AOX1: variants seen among roughly 807,000 people sequenced by gnomAD.
AOX1 encodes the protein aldehyde oxidase 1, also known as aldehyde oxidase.
A neutral mutation model predicts 169.5 loss-of-function variants in AOX1; 153 were observed. The ratio of observed to expected loss-of-function variants is 0.90; its 90% CI spans 0.79 to 1.03. The LOEUF (loss-of-function observed/expected upper bound fraction) is 1.03. Among genes scored for constraint, AOX1 ranks in the 50% least tolerant of loss-of-function variants. The pLI is 0.00. For synonymous variants in AOX1, 562 were observed against 581.9 expected, an observed-to-expected ratio of 0.97 and a Z score of 0.49; for missense variants, 1,656 against 1,663.9, an observed-to-expected ratio of 1.00 and a Z score of 0.08.
intron 19 of AOX1, among the ~76,000 whole-genome samples, chr2:200,625,004 TG>T (rs1273840782): frequency 3.3e-5 from 5 of 152,134 alleles, no homozygotes; most frequent in African/African-American, 1.2e-4. Context: ...AACTGGGTGT[TG>T]GGGGTGCTTC....
At chr2:200,658,865 C>T (rs1441604140) in intron 27 of AOX1, among the ~76,000 whole-genome samples, 1 of 152,202 alleles carries the variant, frequency 6.6e-6, no homozygotes, top group African/African-American at 2.4e-5. Flanking sequence ...ATGTCAATAT[C>T]ATGATTATAA....
At chr2:200,625,911 G>A (rs1049107640) in intron 19 of AOX1, among the ~76,000 whole-genome samples, 3 of 152,038 alleles carry the variant, frequency 2.0e-5, no homozygotes, top group African/African-American at 4.8e-5. Flanking sequence ...CATGCTTTTC[G>A]AGTTTTTAGT....
intron 20 of AOX1, among the ~76,000 whole-genome samples, chr2:200,631,475 A>G (rs141302016): frequency 3.3e-5 from 5 of 152,314 alleles, no homozygotes; most frequent in African/African-American, 9.6e-5. Context: ...AGATAGACAC[A>G]TTCACATCTT....
intron 23 of AOX1, among the ~76,000 whole-genome samples, chr2:200,640,633 T>G (rs2035334885): frequency 6.6e-6 from 1 of 152,160 alleles, no homozygotes; most frequent in African/African-American, 2.4e-5. Flanking sequence ...AGAGCTTGTT[T>G]GTGTAAATGC....
At chr2:200,637,876 A>G (rs2035267991) in intron 22 of AOX1, among the ~76,000 whole-genome samples, 1 of 152,124 alleles carries the variant, frequency 6.6e-6, no homozygotes, top group South Asian at 2.1e-4. Context: ...TTAGATCTGC[A>G]TTCTTCCATT....
At position 200,586,144 on chromosome 2, in the gene AOX1, C is replaced by T. The variant is rs1223010534; in HGVS notation, c.36C>T (p.Asn12=). Residue 12 remains asparagine, a synonymous_variant, in exon 1 of 35, where the codon AAC becomes AAT. Coordinates refer to ENST00000374700, the MANE Select transcript of AOX1 (RefSeq NM_001159.4). The part of the protein sequence containing the change: ...DRASELLFYV[N]GRKVIEKNVD... ...CGTCCGAGCTGCTCTTCTACGTGAA[C>T]GGCCGCAAGGTGAGCGCCCGCGGGC... The T allele has an allele frequency of 7.7e-6, 12 of 1,564,668 alleles. No homozygotes were observed. The highest frequency in any genetic ancestry group is 1.2e-5 in the South Asian group (1 of 84,830).
intron 14 of AOX1, 89 bp downstream of exon 14, chr2:200,612,882 A>C (rs918984325): frequency 1.9e-6 from 2 of 1,042,456 alleles, no homozygotes; most frequent in Non-Finnish European, 2.8e-6. Context: ...ATGTGATTAC[A>C]AGAAGAAAAG....
At chr2:200,675,290 CAGAT>C (rs1213222844), downstream of AOX1, among the ~76,000 whole-genome samples, 1 of 152,058 alleles carries the variant, frequency 6.6e-6, no homozygotes, top group Non-Finnish European at 1.5e-5. Flanking sequence ...TAAAATTCTA[CAGAT>C]AGATAAATAA....
At chr2:200,668,122 T>G (rs80004630) in intron 32 of AOX1, among the ~76,000 whole-genome samples, 2 of 145,344 alleles carry the variant, frequency 1.4e-5, no homozygotes, top group African/African-American at 5.3e-5. Context: ...TTTTTTTTTT[T>G]GAGACTAAGT....
chr2:200,670,925 G>A lies in AOX1; in HGVS notation c.*246G>A, dbSNP rs1008189270. On this transcript the variant is annotated 3_prime_UTR_variant, in exon 35 of 35. Coordinates refer to ENST00000374700, the MANE Select transcript of AOX1 (RefSeq NM_001159.4). ...ATTGGTTTCCTCTAGGGTGATATCC[G>A]TCATTACTCTGTCTCTTCAATCCAT... is the stretch of plus-strand genomic sequence containing the variant. 16 of 405,382 alleles carry A rather than the reference G, an allele frequency of 3.9e-5. No homozygotes were observed. Among genetic ancestry groups the A allele is most frequent in the African/African-American group, 1.6e-4 (8 of 49,674 alleles). 25.1% of individuals were successfully genotyped at this position (405,382 alleles called of 1,614,324 possible).
At chr2:200,627,747 G>A (rs1047507141) in intron 20 of AOX1, among the ~76,000 whole-genome samples, 1 of 152,132 alleles carries the variant, frequency 6.6e-6, no homozygotes, top group African/African-American at 2.4e-5. Flanking sequence ...CACCCTGCAA[G>A]AGGGTATTAT....
chr2:200,672,685 T>C (rs936807990), downstream of AOX1, among the ~76,000 whole-genome samples: 1 of 152,158 alleles, frequency 6.6e-6, no homozygotes, highest in African/African-American at 2.4e-5. Context: ...GGAGTATGGT[T>C]GATGCTTGAG....
intron 31 of AOX1, among the ~76,000 whole-genome samples, chr2:200,663,563 C>CACAT (rs1202775701): frequency 9.5e-4 from 124 of 130,838 alleles, no homozygotes; most frequent in African/African-American, 3.3e-3. Flanking sequence ...CACACACACA[C>CACAT]ACACACACAC....
At chr2:200,649,912 T>A (rs2035545425) in intron 25 of AOX1, among the ~76,000 whole-genome samples, 1 of 152,260 alleles carries the variant, frequency 6.6e-6, no homozygotes. Flanking sequence ...ACATTGTCTA[T>A]GGCTCCATTT....
chr2:200,669,461 A>AC (rs1314494187), intron 33 of AOX1, 114 bp from the exon 34 acceptor site: 228 of 1,229,932 alleles, frequency 1.9e-4, no homozygotes, highest in South Asian at 5.4e-4. Context: ...AAAAAAAAAA[A>AC]AATGTACATA....
In AOX1 at chr2:200,623,942, A is replaced by G. The variant is rs755166319; in HGVS notation, c.2083A>G (p.Ile695Val). 6.2e-7 allele frequency: 1 copy of G among 1,614,122 alleles called. No homozygotes were observed. Among genetic ancestry groups the G allele is most frequent in the Non-Finnish European group, 8.5e-7 (1 of 1,179,992 alleles). Residue 695 changes from isoleucine to valine, a missense_variant, in exon 19 of 35, where the codon ATT becomes GTT. Transcript: ENST00000374700. Reference sequence around the variant, plus strand: ...AAAGCGAGCTGCTAAGCGAGTGAAGATTGTCTATCAAGACTTGGAGCCGCT... The same window carrying G: ...AAAGCGAGCTGCTAAGCGAGTGAAGGTTGTCTATCAAGACTTGGAGCCGCT... ...QAKRAAKRVK[I>V]VYQDLEPLIL...
intron 26 of AOX1, 119 bp downstream of exon 26, chr2:200,651,320 A>C: frequency 1.2e-6 from 1 of 839,744 alleles, no homozygotes; most frequent in Non-Finnish European, 1.9e-6. Context: ...CCCAATTGTT[A>C]AATTTCACAA....
At position 200,604,840 on chromosome 2, in the gene AOX1, G is replaced by A; in HGVS notation, c.814G>A (p.Gly272Arg). ...TGTTATCATGGGAAACACCTCTGTG[G>A]GTATGTAGAACCCCAGGGATTTTTT... ...APVIMGNTSV[G>R]PEVKFKGVFH... The change falls in exon 9 of 35, where the codon GGG becomes AGG. Residue 272 changes from glycine (G) to arginine (R), a missense_variant and splice_region_variant. Gly to Arg is a moderately radical substitution (Grantham distance 125, BLOSUM62 -2). Transcript: ENST00000374700. 1.2e-6 allele frequency: 2 copies of A among 1,613,476 alleles called. No homozygotes were observed. The highest frequency in any genetic ancestry group is 1.7e-6 in the Non-Finnish European group (2 of 1,179,690).
At chr2:200,673,058 T>TTATC (rs1349037222), downstream of AOX1, among the ~76,000 whole-genome samples, 2 of 152,142 alleles carry the variant, frequency 1.3e-5, no homozygotes, top group South Asian at 2.1e-4. Context: ...TTGCAAAGGA[T>TTATC]TATCCTGGAT....
Sources: allele counts gnomAD v4.1 joint callset (sites outside exome capture counted in the v4.1 genomes callset), GRCh38; gene constraint gnomAD v4.1.1; transcripts MANE v1.5; gene names NCBI Gene and HGNC (gene_info 2026-07-23, HGNC 2026-07-21).